Variants in POLR3G observed in about 807,000 individuals in gnomAD.
The protein encoded by POLR3G is DNA-directed RNA polymerase III subunit RPC7.
Under a neutral mutation model 30.1 loss-of-function variants are expected in POLR3G, and 28 were observed. That is an observed-to-expected ratio of 0.93 (90% CI 0.69 to 1.27). The LOEUF (loss-of-function observed/expected upper bound fraction) is 1.27. POLR3G is among the 50% of genes most tolerant of loss of function. POLR3G has a pLI of 0.00. For missense variants in POLR3G, 254 were observed against 264.6 expected (o/e 0.96, Z 0.28); for synonymous variants, 79 against 82.5 (o/e 0.96, Z 0.23).
At chr5:90,480,278 C>T (rs572801311) in intron 1 of POLR3G, among the ~76,000 whole-genome samples, 43 of 152,276 alleles carry the variant, frequency 2.8e-4, no homozygotes, top group African/African-American at 9.6e-4. Flanking sequence ...TTTCATGATA[C>T]ATTTACCAGG....
rs756801378 is a variant in POLR3G, at chr5:90,513,351, T to G, written c.*1212T>G. ...AACTCAACCTTGAACCTGAGCTTGGTTGTTTCTGTGCCTTAGTTTCTCCAC... is the reference window on the plus strand; with the variant it reads ...AACTCAACCTTGAACCTGAGCTTGGGTGTTTCTGTGCCTTAGTTTCTCCAC... On this transcript the variant is annotated 3_prime_UTR_variant, in exon 8 of 8. Transcript: ENST00000651687. 2.6e-5 allele frequency: 4 copies of G among 152,622 alleles called. No individual in the cohort carries two copies. The highest frequency in any genetic ancestry group is 4.4e-5 in the Non-Finnish European group (3 of 67,998). 9.5% of individuals were successfully genotyped at this position (152,622 alleles called of 1,614,324 possible).
chr5:90,498,439 T>C (rs1156367177), intron 5 of POLR3G, among the ~76,000 whole-genome samples: 1 of 152,128 alleles, frequency 6.6e-6, no homozygotes, highest in South Asian at 2.1e-4. Context: ...CTCCCGACTT[T>C]AGTAGTTCAC....
chr5:90,484,787 A>G (rs2151902131), intron 1 of POLR3G, among the ~76,000 whole-genome samples: 1 of 152,324 alleles, frequency 6.6e-6, no homozygotes, highest in South Asian at 2.1e-4. Context: ...AAAGAAATGT[A>G]AAGAATGTGC....
upstream of POLR3G, chr5:90,474,284 C>G (rs751743463): frequency 1.9e-5 from 30 of 1,612,950 alleles, no homozygotes; most frequent in Non-Finnish European, 2.5e-5. Context: ...ACCACTCGAG[C>G]GCCGACATGC....
At chr5:90,487,921 G>A (rs1209736284) in intron 2 of POLR3G, 79 bp from the exon 3 acceptor site, 11 of 1,213,360 alleles carry the variant, frequency 9.1e-6, no homozygotes, top group Non-Finnish European at 1.2e-5. Context: ...TAAAACTGCT[G>A]TTTTCTATAA....
intron 1 of POLR3G, among the ~76,000 whole-genome samples, chr5:90,483,093 C>T (rs1426572773): frequency 3.5e-5 from 5 of 140,916 alleles, no homozygotes; most frequent in African/African-American, 1.3e-4. Flanking sequence ...TCAGCGGAGA[C>T]CATGCCATTG....
In POLR3G at chr5:90,512,082, A is replaced by T. The variant is rs1752764889; in HGVS notation, c.615A>T (p.Glu205Asp). ...ATGACTACATTAATTCATACTTTGA[A>T]GATGGAGATGATTTTGGCGCAGACA... ...EENDYINSYF[E>D]DGDDFGADSD... Residue 205 changes from glutamate to aspartate, a missense_variant, in exon 8 of 8, where the codon GAA (glutamate) becomes GAT (aspartate). Coordinates refer to ENST00000651687, the MANE Select transcript of POLR3G (RefSeq NM_006467.3). 1 of 1,607,902 alleles carries T rather than the reference A, an allele frequency of 6.2e-7. No individual in the cohort carries two copies. Among genetic ancestry groups the T allele is most frequent in the African/African-American group, 1.3e-5 (1 of 74,906 alleles).
In POLR3G at chr5:90,512,065, A is replaced by G. The variant is rs777501664; in HGVS notation, c.598A>G (p.Ile200Val). ...TCATTTCACTTAGGAAAATGACTAC[A>G]TTAATTCATACTTTGAAGATGGAGA... Reference protein sequence around the residue: ...EEEQEEENDYINSYFEDGDDF... With the variant: ...EEEQEEENDYVNSYFEDGDDF... The change falls in exon 8 of 8, where the codon ATT (isoleucine) becomes GTT (valine). Residue 200 changes from isoleucine to valine, a missense_variant. By Grantham distance (29) the Ile-to-Val change is conservative. Coordinates refer to ENST00000651687, the MANE Select transcript of POLR3G (RefSeq NM_006467.3). 2 of 1,600,658 alleles carry G rather than the reference A, an allele frequency of 1.2e-6. No individual in the cohort carries two copies. The highest frequency in any genetic ancestry group is 1.1e-5 in the South Asian group (1 of 90,728).
intron 3 of POLR3G, chr5:90,491,004 C>T (rs1289302702): frequency 6.5e-6 from 1 of 153,224 alleles, no homozygotes; most frequent in African/African-American, 2.4e-5. Context: ...GACTTAAGGG[C>T]TACTGTAAAG....
intron 1 of POLR3G, among the ~76,000 whole-genome samples, chr5:90,485,302 A>G (rs761919113): frequency 6.6e-6 from 1 of 152,120 alleles, no homozygotes; most frequent in Non-Finnish European, 1.5e-5. Flanking sequence ...GATGTGGGGC[A>G]GTAGTGGGTG....
chr5:90,486,037 TC>T (rs1401657260), intron 2 of POLR3G, among the ~76,000 whole-genome samples: 1 of 152,214 alleles, frequency 6.6e-6, no homozygotes, highest in African/African-American at 2.4e-5. Context: ...TATCACACCT[TC>T]ACTTAATGAT....
In POLR3G at chr5:90,492,928, CAAG is replaced by C. The variant is rs1158941992; in HGVS notation, c.248-2740_248-2738del. Among the ~76,000 whole-genome samples, 7 of 150,942 alleles carry C rather than the reference CAAG, an allele frequency of 4.6e-5. No individual in the cohort carries two copies. In the South Asian group the frequency reaches 8.4e-4, roughly 18 times the overall value. ...GTATTGCATTTTGGATATGTAAGTA[CAAG>C]AAGAAGAATTGGAAGTAGTGATAAG... is the stretch of plus-strand genomic sequence containing the variant. On this transcript the variant is annotated intron_variant, in intron 3 of 7. Transcript: ENST00000651687.
chr5:90,478,853 C>T (rs1450819617), intron 1 of POLR3G, among the ~76,000 whole-genome samples: 1 of 151,788 alleles, frequency 6.6e-6, no homozygotes, highest in African/African-American at 2.4e-5. Flanking sequence ...TTGGGTTGCA[C>T]ACTGTAATCT....
intron 7 of POLR3G, among the ~76,000 whole-genome samples, chr5:90,507,993 A>T (rs1209117231): frequency 6.6e-6 from 1 of 152,056 alleles, no homozygotes; most frequent in African/African-American, 2.4e-5. Context: ...CAGCGCACAC[A>T]CTAGACCAAA....
At chr5:90,502,377 CTT>C in intron 6 of POLR3G, 2 of 898,290 alleles carry the variant, frequency 2.2e-6, no homozygotes, top group East Asian at 1.2e-4. Context: ...AGTTTTAATG[CTT>C]TTTTTTTGGT....
At chr5:90,493,194 T>C (rs1751818552) in intron 3 of POLR3G, among the ~76,000 whole-genome samples, 1 of 133,918 alleles carries the variant, frequency 7.5e-6, no homozygotes, top group Non-Finnish European at 1.7e-5. Context: ...AAACATGTAA[T>C]ATAAATTTGG....
At chr5:90,483,537 G>A (rs1316466547) in intron 1 of POLR3G, among the ~76,000 whole-genome samples, 1 of 152,170 alleles carries the variant, frequency 6.6e-6, no homozygotes, top group South Asian at 2.1e-4. Flanking sequence ...GGGCACGGTG[G>A]CTCATGCCTA....
Position 90,495,685 on chromosome 5 carries a change from A to T in POLR3G, c.256A>T (p.Arg86Trp). 6.2e-7 allele frequency: 1 copy of T among 1,600,958 alleles called. No individual in the cohort carries two copies. Among genetic ancestry groups the T allele is most frequent in the South Asian group, 1.1e-5 (1 of 87,920 alleles). Residue 86 changes from arginine (R) to tryptophan (W), a missense_variant, in exon 4 of 8, where the codon AGG (arginine) becomes TGG (tryptophan). Arg to Trp is a moderately radical substitution (Grantham distance 101). Transcript: ENST00000651687. ...ETPEERQDIE[R>W]YSKRYMKVYK... ...ATTCTTTTTTCCCCTAGATATTGAA[A>T]GGTATAGTAAAAGATACATGAAGGT...
intron 1 of POLR3G, among the ~76,000 whole-genome samples, chr5:90,484,689 C>G (rs1361931003): frequency 6.6e-6 from 1 of 152,164 alleles, no homozygotes; most frequent in East Asian, 1.9e-4. Context: ...CAATGCCACT[C>G]CTCTGACTTC....
Sources: allele counts gnomAD v4.1 joint callset (sites outside exome capture counted in the v4.1 genomes callset), GRCh38; gene constraint gnomAD v4.1.1; transcripts MANE v1.5; gene names NCBI Gene and HGNC (gene_info 2026-07-23, HGNC 2026-07-21).